Variants in BASP1 observed in about 807,000 individuals in gnomAD.
The protein encoded by BASP1 is brain abundant membrane attached signal protein 1, also known as brain acid soluble protein 1.
Under a neutral mutation model 2.2 loss-of-function variants are expected in BASP1, and 1 was observed. The ratio of observed to expected loss-of-function variants is 0.46; its 90% CI spans 0.16 to 2.17. BASP1 has a LOEUF of 2.17. Among genes scored for constraint, BASP1 ranks in the 30% most tolerant of loss-of-function variants. The pLI is 0.27. For synonymous variants in BASP1, 187 were observed against 154.2 expected (o/e 1.21, Z -1.58); for missense variants, 352 against 327.2 (o/e 1.08, Z -0.58).
At chr5:17,228,155 A>G (rs1411345433) in intron 1 of BASP1, among the ~76,000 whole-genome samples, 1 of 152,224 alleles carries the variant, frequency 6.6e-6, no homozygotes, top group African/African-American at 2.4e-5. Flanking sequence ...TAGAAGAGAC[A>G]AAAACAGGAC....
At chr5:17,228,653 A>T (rs1383138109) in intron 1 of BASP1, among the ~76,000 whole-genome samples, 1 of 152,238 alleles carries the variant, frequency 6.6e-6, no homozygotes, top group African/African-American at 2.4e-5. Context: ...GTTTCCAGCA[A>T]CAAATACTGC....
chr5:17,255,454 CT>C (rs1384609764), intron 1 of BASP1, among the ~76,000 whole-genome samples: 1 of 152,078 alleles, frequency 6.6e-6, no homozygotes, highest in Non-Finnish European at 1.5e-5. Context: ...ACTTTCCAAG[CT>C]TTTATTCTGT....
chr5:17,268,282 A>C (rs1018438374), intron 1 of BASP1, among the ~76,000 whole-genome samples: 1 of 152,214 alleles, frequency 6.6e-6, no homozygotes, highest in African/African-American at 2.4e-5. Flanking sequence ...AAAATATTTC[A>C]TAATTTATTT....
At chr5:17,232,756 A>G (rs1411328822) in intron 1 of BASP1, among the ~76,000 whole-genome samples, 1 of 151,886 alleles carries the variant, frequency 6.6e-6, no homozygotes, top group Non-Finnish European at 1.5e-5. Flanking sequence ...GGGCACAACT[A>G]AGACATCATT....
rs924034889 is a variant in BASP1, at chr5:17,236,016, TTAA to T, written c.-10+18207_-10+18209del. On this transcript the variant is annotated intron_variant, in intron 1 of 1. Coordinates refer to ENST00000322611, the MANE Select transcript of BASP1 (RefSeq NM_006317.5). This position sits in a 1 kb window ranked among gnomAD's most constrained non-coding sequence, Gnocchi z 4.0. ...GCCCAACACCAGTTTGCAAACTTTC[TTAA>T]AACATGAGACTTTTTTTTTTCTTTT... 3.9e-5 allele frequency among the ~76,000 whole-genome samples: 6 copies of T among 152,196 alleles called. No individual in the cohort carries two copies. The highest frequency in any genetic ancestry group is 8.8e-5 in the Non-Finnish European group (6 of 68,028).
rs558585178 is a variant in BASP1 at position 17,243,031 on chromosome 5, G to T, written c.-10+25221G>T. Among the ~76,000 whole-genome samples the T allele has an allele frequency of 2.6e-4, 40 of 152,198 alleles. No homozygotes were observed. The South Asian group carries it at 8.1e-3, about 31-fold the overall frequency. ...ATCTGGGTATGAAACCAGATCATGT[G>T]TGTAAAGGGAAATGGAACATTCTGG... On this transcript the variant is annotated intron_variant, in intron 1 of 1. Transcript: ENST00000322611.
At chr5:17,272,078 A>G (rs1027455158) in intron 1 of BASP1, among the ~76,000 whole-genome samples, 1 of 151,988 alleles carries the variant, frequency 6.6e-6, no homozygotes, top group South Asian at 2.1e-4. Flanking sequence ...CAAGAAAAAA[A>G]AAAAAAAAAA....
chr5:17,263,482 A>G, intron 1 of BASP1, among the ~76,000 whole-genome samples: 1 of 152,194 alleles, frequency 6.6e-6, no homozygotes, highest in East Asian at 1.9e-4. Flanking sequence ...AATTAAGGTA[A>G]TGAACATTGC....
Position 17,260,417 on chromosome 5 carries a change from A to G in BASP1, c.-9-14791A>G, listed in dbSNP as rs1057191853. Among the ~76,000 whole-genome samples the G allele has an allele frequency of 6.6e-6, 1 of 152,164 alleles. No individual in the cohort carries two copies. Among genetic ancestry groups the G allele is most frequent in the Non-Finnish European group, 1.5e-5 (1 of 68,024 alleles). On this transcript the variant is annotated intron_variant, in intron 1 of 1. Coordinates refer to ENST00000322611, the MANE Select transcript of BASP1 (RefSeq NM_006317.5). The surrounding 1 kb of genome is among the most constrained non-coding windows in gnomAD (Gnocchi z 4.2). Reference sequence around the variant, plus strand: ...AAAAATTGGTCTCTACAATATGCACATAGTAACAAAAGAAAAAAAAATCTT... The same window carrying G: ...AAAAATTGGTCTCTACAATATGCACGTAGTAACAAAAGAAAAAAAAATCTT...
intron 1 of BASP1, among the ~76,000 whole-genome samples, chr5:17,222,666 A>T (rs984928340): frequency 2.0e-5 from 3 of 152,232 alleles, no homozygotes; most frequent in African/African-American, 7.2e-5. Context: ...AGGCAGAGAG[A>T]ATGAAATAGT....
intron 1 of BASP1, among the ~76,000 whole-genome samples, chr5:17,258,341 A>T (rs1456905583): frequency 6.6e-6 from 1 of 152,222 alleles, no homozygotes; most frequent in Non-Finnish European, 1.5e-5. Flanking sequence ...ATGCAAAAGC[A>T]TTAGTTTTCA....
rs988943557 is a variant in BASP1, at chr5:17,275,102, G to A, written c.-9-106G>A. ...TTACCATGCCACCCCTTTGGGGTGT[G>A]CAGTGCAGCAGGCCCAGAACCCCTT... On this transcript the variant is annotated intron_variant, in intron 1 of 1. Transcript: ENST00000322611. This position sits in a 1 kb window ranked among gnomAD's most constrained non-coding sequence, Gnocchi z 5.3. 6.3e-6 allele frequency: 6 copies of A among 953,860 alleles called. No individual in the cohort carries two copies. In the African/African-American group the frequency reaches 6.6e-5, roughly 11 times the overall value. 59.1% of individuals were successfully genotyped at this position (953,860 alleles called of 1,614,324 possible).
rs755724980 is a variant in BASP1, at chr5:17,275,178, C to CGTTTT, written c.-9-17_-9-13dup. Reference sequence around the variant, plus strand: ...GTCCCCACACTTGCCTAGTAACCGCCGTTTTGTTTTGTTTTGTGTTTGCTT... The same window carrying CGTTTT: ...GTCCCCACACTTGCCTAGTAACCGCCGTTTTGTTTTGTTTTGTTTTGTGTTTGCTT... On this transcript the variant is annotated intron_variant, in intron 1 of 1. Transcript: ENST00000322611. This position sits in a 1 kb window ranked among gnomAD's most constrained non-coding sequence, Gnocchi z 5.3. The CGTTTT allele has an allele frequency of 8.1e-5, 130 of 1,606,600 alleles. No homozygotes were observed. The South Asian group carries it at 1.0e-3, about 13-fold the overall frequency.
intron 1 of BASP1, among the ~76,000 whole-genome samples, chr5:17,245,170 T>C (rs1281710107): frequency 4.6e-5 from 7 of 151,346 alleles, no homozygotes; most frequent in Non-Finnish European, 1.0e-4. Context: ...GGTGTGGTGG[T>C]GTGCATCTGT....
At chr5:17,219,029 C>A (rs1486525482) in intron 1 of BASP1, among the ~76,000 whole-genome samples, 1 of 152,092 alleles carries the variant, frequency 6.6e-6, no homozygotes, top group East Asian at 1.9e-4. Context: ...CGCGGCCACT[C>A]GCACTGTGGG....
intron 1 of BASP1, among the ~76,000 whole-genome samples, chr5:17,225,369 G>A (rs1739479221): frequency 6.6e-6 from 1 of 151,690 alleles, no homozygotes; most frequent in East Asian, 1.9e-4. Context: ...CCAGGGGGAC[G>A]GTGCAGTCAC....
intron 1 of BASP1, among the ~76,000 whole-genome samples, chr5:17,232,180 G>T (rs994748368): frequency 6.6e-6 from 1 of 152,194 alleles, no homozygotes; most frequent in Non-Finnish European, 1.5e-5. Flanking sequence ...TTATTTGAGG[G>T]AGACAAATAG....
chr5:17,275,134 C>T lies in BASP1; in HGVS notation c.-9-74C>T. The T allele has an allele frequency of 1.3e-6, 2 of 1,500,768 alleles. No individual in the cohort carries two copies. The highest frequency in any genetic ancestry group is 1.8e-6 in the Non-Finnish European group (2 of 1,096,180). The allele number at this position is 1,500,768 out of a possible 1,614,324, so 93.0% of individuals were successfully genotyped here. On this transcript the variant is annotated intron_variant, in intron 1 of 1. Coordinates refer to ENST00000322611, the MANE Select transcript of BASP1 (RefSeq NM_006317.5). This position sits in a 1 kb window ranked among gnomAD's most constrained non-coding sequence, Gnocchi z 5.3. ...AGCAGGCCCAGAACCCCTTGCTTTG[C>T]AAAATGCAGCTTTTTGTGGTCCCCA...
At chr5:17,258,804 G>A (rs957140846) in intron 1 of BASP1, among the ~76,000 whole-genome samples, 2 of 152,194 alleles carry the variant, frequency 1.3e-5, no homozygotes, top group African/African-American at 4.8e-5. Context: ...GTGGCTCAGT[G>A]CCTGGTTTTT....
Sources: allele counts gnomAD v4.1 joint callset (sites outside exome capture counted in the v4.1 genomes callset), GRCh38; gene constraint gnomAD v4.1.1; non-coding constraint Gnocchi (gnomAD v3.1); transcripts MANE v1.5; gene names NCBI Gene and HGNC (gene_info 2026-07-23, HGNC 2026-07-21).